CREB5: variants seen among roughly 807,000 people sequenced by gnomAD.
CREB5 encodes the protein cAMP responsive element binding protein 5.
In CREB5, 19 loss-of-function variants were observed where a neutral mutation model predicts 57.1. The observed-to-expected ratio is 0.33, with a 90% confidence interval of 0.23 to 0.49. CREB5 has a LOEUF of 0.49. CREB5 is among the 20% of genes least tolerant of loss of function. The pLI, the probability that CREB5 is intolerant of heterozygous loss-of-function variation, is 0.99. For synonymous variants in CREB5, 238 were observed against 238.3 expected (o/e 1.00, Z 0.01); for missense variants, 579 against 671.6 (o/e 0.86, Z 1.52).
intron 5 of CREB5, among the ~76,000 whole-genome samples, chr7:28,705,378 A>AAG (rs74537156): frequency 1.6e-4 from 6 of 37,098 alleles, no homozygotes; most frequent in Admixed American, 7.2e-4. Context: ...AAAAAAAAAA[A>AAG]AAAGAAAGAA....
intron 7 of CREB5, among the ~76,000 whole-genome samples, chr7:28,742,265 A>G (rs1011043422): frequency 1.3e-5 from 2 of 151,832 alleles, no homozygotes; most frequent in East Asian, 2.0e-4. Flanking sequence ...CTTACTTCAT[A>G]TTAGAAAATG....
intron 8 of CREB5, 54 bp from the exon 9 acceptor site, chr7:28,809,133 A>G: frequency 6.6e-7 from 1 of 1,512,156 alleles, no homozygotes; most frequent in Non-Finnish European, 8.9e-7. Flanking sequence ...TTCTTCCCTT[A>G]CCTAACCACG....
chr7:28,749,496 G>C (rs1301681212), intron 7 of CREB5: 4 of 152,232 alleles, frequency 2.6e-5, no homozygotes, highest in African/African-American at 7.2e-5. Context: ...TAAAAGAAGA[G>C]AGTGGGTTGA....
At chr7:28,484,736 A>T (rs1420725731) in intron 1 of CREB5, among the ~76,000 whole-genome samples, 1 of 152,208 alleles carries the variant, frequency 6.6e-6, no homozygotes, top group Admixed American at 6.5e-5. Flanking sequence ...AGAACCTATC[A>T]ATGACTAAAC....
chr7:28,802,078 G>GAAAAA lies in CREB5; in HGVS notation c.703-2098_703-2094dup, dbSNP rs35658848. ...CTGGCGACACAGCGAGACTCCATCT[G>GAAAAA]AAAAAAAAAAAAAAAAAAAAAAAAA... On this transcript the variant is annotated intron_variant, in intron 7 of 10. Coordinates refer to ENST00000357727, the MANE Select transcript of CREB5 (RefSeq NM_182898.4). Among the ~76,000 whole-genome samples, 26 of 26,648 alleles carry GAAAAA rather than the reference G, an allele frequency of 9.8e-4. 3 individuals are homozygous for GAAAAA. The highest frequency in any genetic ancestry group is 6.1e-3 in the South Asian group (2 of 328). 17.5% of individuals were successfully genotyped at this position (26,648 alleles called of 152,430 possible). A position where few individuals can be genotyped will look rare whatever the true frequency, so the allele number is the denominator to read the frequency against.
chr7:28,628,888 G>A (rs1389225832), intron 5 of CREB5, among the ~76,000 whole-genome samples: 3 of 152,108 alleles, frequency 2.0e-5, no homozygotes, highest in Non-Finnish European at 4.4e-5. Context: ...TTATTAGATA[G>A]GCATTGAACA....
intron 5 of CREB5, among the ~76,000 whole-genome samples, chr7:28,619,695 ATC>A (rs1797723486): frequency 6.6e-6 from 1 of 152,200 alleles, no homozygotes; most frequent in Non-Finnish European, 1.5e-5. Context: ...ACATAAAACT[ATC>A]ATTCATGAAA....
chr7:28,740,397 G>A (rs938302472), intron 7 of CREB5, among the ~76,000 whole-genome samples: 3 of 152,110 alleles, frequency 2.0e-5, no homozygotes, highest in Non-Finnish European at 2.9e-5. Context: ...GAGTGTCTGC[G>A]AAGTGCAGGT....
chr7:28,458,626 A>G (rs1403276191), intron 1 of CREB5, among the ~76,000 whole-genome samples: 51 of 152,202 alleles, frequency 3.4e-4, no homozygotes, highest in Non-Finnish European at 1.6e-4. Context: ...TGTTGAAAAA[A>G]TCACCTGAGC....
In CREB5 at chr7:28,724,213, T is replaced by G. The variant is rs376864247; in HGVS notation, c.592-9T>G. On this transcript the variant is annotated splice_polypyrimidine_tract_variant and intron_variant, in intron 6 of 10. Transcript: ENST00000357727. ...CAGACTTCTAATTCTTTTCTTTCCTTTCTCTTAGATGGAGCGACAAATGTC... is the reference window on the plus strand; with the variant it reads ...CAGACTTCTAATTCTTTTCTTTCCTGTCTCTTAGATGGAGCGACAAATGTC... 17 of 1,609,522 alleles carry G rather than the reference T, an allele frequency of 1.1e-5. No homozygotes were observed. The Admixed American group carries it at 2.7e-4, about 25-fold the overall frequency.
rs1347926072 is a variant in CREB5 at position 28,567,168 on chromosome 7, T to C, written c.292-3197T>C. ...GCTCAACTCTCAGCATCTTCCTTCA[T>C]TGGCCCCTGTAACATTTTAAAAAAG... On this transcript the variant is annotated intron_variant, in intron 4 of 10. Transcript: ENST00000357727. 2.6e-5 allele frequency among the ~76,000 whole-genome samples: 4 copies of C among 152,330 alleles called. No individual in the cohort carries two copies. The South Asian group carries it at 8.3e-4, about 32-fold the overall frequency.
At chr7:28,334,464 T>A (rs1054705734) in intron 1 of CREB5, among the ~76,000 whole-genome samples, 6 of 152,162 alleles carry the variant, frequency 3.9e-5, no homozygotes, top group South Asian at 2.1e-4. Context: ...GCTAACCACC[T>A]TTTTATATAG....
chr7:28,535,792 C>T (rs1343558417), intron 4 of CREB5, among the ~76,000 whole-genome samples: 1 of 152,176 alleles, frequency 6.6e-6, no homozygotes, highest in East Asian at 1.9e-4. Context: ...GTTCTTTCTG[C>T]CCTCCTAGGC....
chr7:28,608,997 A>AT (rs954469353), intron 5 of CREB5: 5 of 152,314 alleles, frequency 3.3e-5, no homozygotes, highest in African/African-American at 1.2e-4. Context: ...ATATCACGGT[A>AT]TATCTGTAGT....
At chr7:28,705,453 A>G (rs554389845) in intron 5 of CREB5, among the ~76,000 whole-genome samples, 1 of 152,062 alleles carries the variant, frequency 6.6e-6, no homozygotes, top group East Asian at 1.9e-4. Context: ...ACTTACCGCC[A>G]GTGAGCAAGC....
chr7:28,536,178 A>G (rs770221058), intron 4 of CREB5, among the ~76,000 whole-genome samples: 2 of 152,228 alleles, frequency 1.3e-5, no homozygotes, highest in South Asian at 2.1e-4. Flanking sequence ...CCTTGAGCCT[A>G]TAAGGTACAC....
In CREB5 at chr7:28,353,985, G is replaced by A. The variant is rs1024814764; in HGVS notation, c.-25+54544G>A. Among the ~76,000 whole-genome samples, 4 of 152,302 alleles carry A rather than the reference G, an allele frequency of 2.6e-5. No individual in the cohort carries two copies. In the East Asian group the frequency reaches 7.7e-4, roughly 29 times the overall value. On this transcript the variant is annotated intron_variant, in intron 1 of 9. Transcript: ENST00000396299. The stretch of plus-strand genomic sequence containing the variant: ...ACACCATTAAAGACATTATTAAGCA[G>A]ATTAAGGAGCTTGGACTATATCTGG...
intron 1 of CREB5, among the ~76,000 whole-genome samples, chr7:28,330,075 G>A (rs1050527741): frequency 4.6e-5 from 7 of 152,200 alleles, no homozygotes; most frequent in Non-Finnish European, 7.3e-5. Context: ...AAGGGCGAGC[G>A]TGGCCCAAGA....
chr7:28,410,231 C>T (rs1336242235), upstream of CREB5: 1 of 454,250 alleles, frequency 2.2e-6, no homozygotes, highest in Non-Finnish European at 4.4e-6. Flanking sequence ...TGGAGAGCGG[C>T]GAGGCTCCGT....
Sources: gnomAD v4.1 joint callset for allele counts (sites outside exome capture counted in the v4.1 genomes callset) on GRCh38, gnomAD v4.1.1 for gene constraint, MANE v1.5 for transcripts, NCBI Gene and HGNC (gene_info 2026-07-23, HGNC 2026-07-21) for gene names.